The following YTHDC2 variants were observed in gnomAD, a reference collection of about 807,000 sequenced individuals.
YTHDC2 encodes the protein YTH N6-methyladenosine RNA binding protein C2, also known as 3'-5' RNA helicase YTHDC2.
In YTHDC2, 45 loss-of-function variants were observed where a neutral mutation model predicts 174.9. The ratio of observed to expected loss-of-function variants is 0.26; its 90% CI spans 0.20 to 0.33. The LOEUF is 0.33. Among genes scored for constraint, YTHDC2 ranks in the 10% least tolerant of loss-of-function variants. YTHDC2 has a pLI of 1.00. For synonymous variants in YTHDC2, 657 were observed against 574.5 expected, an observed-to-expected ratio of 1.14 and a Z score of -2.05; for missense variants, 1,650 against 1,723.7, an observed-to-expected ratio of 0.96 and a Z score of 0.76.
At position 113,581,869 on chromosome 5, in the gene YTHDC2, T is replaced by A. The variant is rs1401786583; in HGVS notation, c.3647+160T>A. 7.2e-6 allele frequency: 4 copies of A among 553,876 alleles called. No homozygotes were observed. The East Asian group carries it at 1.0e-4, about 14-fold the overall frequency. 34.3% of individuals were successfully genotyped at this position (553,876 alleles called of 1,614,324 possible). On this transcript the variant is annotated intron_variant, in intron 25 of 29. Coordinates refer to ENST00000161863, the MANE Select transcript of YTHDC2 (RefSeq NM_022828.5). ...AAAGTGGAAAGAGTTTTCTACTTGT[T>A]CAACTTAATTCTTCTAAGTATTAAG...
rs761778172 is a variant in YTHDC2, at chr5:113,579,689, G to T, written c.3348G>T (p.Glu1116Asp). 6.2e-7 allele frequency: 1 copy of T among 1,603,876 alleles called. No individual in the cohort carries two copies. Among genetic ancestry groups the T allele is most frequent in the East Asian group, 2.3e-5 (1 of 44,340 alleles). ...ATGAGTGGCTCCATTTCACACTGGA[G>T]CCAGAGGTAAGTTGCTTTCAAGTAG... Reference protein sequence around the residue: ...KLDEWLHFTLEPEAASLLLQL... With the variant: ...KLDEWLHFTLDPEAASLLLQL... The change falls in exon 24 of 30, where the codon GAG becomes GAT. Residue 1116 changes from glutamate to aspartate, a missense_variant. By Grantham distance (45) the Glu-to-Asp change is conservative. This residue lies in a region of YTHDC2 where 913 missense variants were observed against 940.4 expected (regional missense o/e 0.97). Coordinates refer to ENST00000161863, the MANE Select transcript of YTHDC2 (RefSeq NM_022828.5).
chr5:113,532,476 G>T (rs1580504187), intron 4 of YTHDC2, among the ~76,000 whole-genome samples: 1 of 152,064 alleles, frequency 6.6e-6, no homozygotes, highest in East Asian at 1.9e-4. Context: ...AAAAATCCCA[G>T]TGGAATTTTA....
intron 24 of YTHDC2, among the ~76,000 whole-genome samples, chr5:113,580,245 T>C (rs1179337112): frequency 6.6e-6 from 1 of 152,110 alleles, no homozygotes; most frequent in African/African-American, 2.4e-5. Flanking sequence ...ACATGAAGTT[T>C]TGGAGGGGAC....
Position 113,525,035 on chromosome 5 carries a change from T to A in YTHDC2, c.333T>A (p.Ala111=). The A allele has an allele frequency of 6.2e-7, 1 of 1,611,576 alleles. No homozygotes were observed. Among genetic ancestry groups the A allele is most frequent in the Non-Finnish European group, 8.5e-7 (1 of 1,178,974 alleles). The part of the protein sequence containing the change: ...TVKKKDGSET[A]HAMMTCNLTH... ...AGAAGAAAGATGGATCAGAAACAGC[T>A]CATGCAATGATGACCTGTAATTTGA... Residue 111 remains alanine, a synonymous_variant, in exon 3 of 30, where the codon GCT becomes GCA. Coordinates refer to ENST00000161863, the MANE Select transcript of YTHDC2 (RefSeq NM_022828.5).
At chr5:113,563,518 A>G in intron 19 of YTHDC2, 26 bp downstream of exon 19, 2 of 1,555,578 alleles carry the variant, frequency 1.3e-6, no homozygotes, top group Non-Finnish European at 1.7e-6. Flanking sequence ...GTTTTATTTT[A>G]CATGACATTT....
At chr5:113,562,277 G>GTGT (rs1777043538) in intron 18 of YTHDC2, among the ~76,000 whole-genome samples, 1 of 117,350 alleles carries the variant, frequency 8.5e-6, no homozygotes. Flanking sequence ...GGTGTGTGTG[G>GTGT]GTGTGTGTGT....
rs1377955806 is a variant in YTHDC2, at chr5:113,548,606, A to G, written c.1561A>G (p.Ser521Gly). 2 of 1,613,602 alleles carry G rather than the reference A, an allele frequency of 1.2e-6. No homozygotes were observed. The highest frequency in any genetic ancestry group is 8.5e-7 in the Non-Finnish European group (1 of 1,179,708). The change falls in exon 11 of 30, where the codon AGT (serine) becomes GGT (glycine). Residue 521 changes from serine (S) to glycine (G), a missense_variant. By Grantham distance (56) the Ser-to-Gly change is moderately conservative. Coordinates refer to ENST00000161863, the MANE Select transcript of YTHDC2 (RefSeq NM_022828.5). ...LMVAAGRGFA[S>G]QVEQLISMGA... ...GGTTGCTGCAGGACGTGGCTTTGCA[A>G]GTCAAGTAGAACAGTTAATCAGTAT... is the stretch of plus-strand genomic sequence containing the variant.
At chr5:113,581,257 TATTTC>T (rs1459149205) in intron 24 of YTHDC2, 155 bp from the exon 25 acceptor site, 7 of 583,300 alleles carry the variant, frequency 1.2e-5, no homozygotes, top group Non-Finnish European at 1.9e-5. Flanking sequence ...AAATAAATTT[TATTTC>T]ATTCATGCAT....
chr5:113,576,800 G>A (rs975595350), intron 23 of YTHDC2, among the ~76,000 whole-genome samples: 6 of 150,228 alleles, frequency 4.0e-5, no homozygotes, highest in Non-Finnish European at 8.9e-5. Context: ...TCTTTTTTCT[G>A]TCATGTTTAA....
chr5:113,517,336 C>T (rs932642731), intron 2 of YTHDC2, among the ~76,000 whole-genome samples: 4 of 152,188 alleles, frequency 2.6e-5, no homozygotes, highest in Non-Finnish European at 5.9e-5. Context: ...TGCTTGGAAA[C>T]ACATGTTATA....
At chr5:113,533,508 C>T (rs1170640099) in intron 5 of YTHDC2, among the ~76,000 whole-genome samples, 3 of 150,734 alleles carry the variant, frequency 2.0e-5, no homozygotes, top group Non-Finnish European at 4.4e-5. Context: ...GAGATCGCAC[C>T]ATGGCACTCC....
intron 9 of YTHDC2, among the ~76,000 whole-genome samples, 179 bp from the exon 10 acceptor site, chr5:113,542,189 C>T (rs1009033555): frequency 1.3e-5 from 2 of 152,112 alleles, no homozygotes; most frequent in African/African-American, 4.8e-5. Flanking sequence ...AGTATAAGGA[C>T]TAGATACTGT....
Position 113,513,925 on chromosome 5 carries a change from G to A in YTHDC2, c.30G>A (p.Arg10=), listed in dbSNP as rs762707547. The A allele has an allele frequency of 5.6e-6, 9 of 1,605,590 alleles. No homozygotes were observed. The highest frequency in any genetic ancestry group is 7.6e-6 in the Non-Finnish European group (9 of 1,176,742). The part of the protein sequence containing the change: MSRPSSVSP[R]QPAPGGGGGG... Reference sequence around the variant, plus strand: ...CCAGGCCGAGCAGCGTCTCCCCGCGGCAGCCGGCTCCTGGCGGTGGCGGAG... The same window carrying A: ...CCAGGCCGAGCAGCGTCTCCCCGCGACAGCCGGCTCCTGGCGGTGGCGGAG... The change falls in exon 1 of 30, where the codon CGG becomes CGA. Residue 10 remains arginine, a synonymous_variant. Coordinates refer to ENST00000161863, the MANE Select transcript of YTHDC2 (RefSeq NM_022828.5).
At chr5:113,534,257 C>A in intron 5 of YTHDC2, 48 bp from the exon 6 acceptor site, 1 of 1,404,366 alleles carries the variant, frequency 7.1e-7, no homozygotes, top group Non-Finnish European at 1.0e-6. Context: ...ATTTTAGTTA[C>A]ATGAAAAACT....
At chr5:113,573,784 T>C (rs569464921) in intron 23 of YTHDC2, among the ~76,000 whole-genome samples, 6 of 152,324 alleles carry the variant, frequency 3.9e-5, no homozygotes, top group African/African-American at 1.4e-4. Flanking sequence ...GTGATTGCAT[T>C]GTGAAGTTCT....
chr5:113,535,753 G>A lies in YTHDC2; in HGVS notation c.1057G>A (p.Val353Ile), dbSNP rs1297082435. ...KLILSSAALD[V>I]NLFIRYFGSC... ...AATTCTTTCTAGTGCTGCCTTGGAT[G>A]TAAATCTCTTTATAAGATATTTTGG... Residue 353 changes from valine to isoleucine, a missense_variant, in exon 7 of 30, where the codon GTA (valine) becomes ATA (isoleucine). Physicochemically the swap from Val to Ile is conservative, Grantham distance 29. Transcript: ENST00000161863. 2.5e-6 allele frequency: 4 copies of A among 1,613,104 alleles called. No homozygotes were observed. Among genetic ancestry groups the A allele is most frequent in the Middle Eastern group, 1.7e-4 (1 of 6,052 alleles).
In YTHDC2 at chr5:113,567,808, G is replaced by C. The variant is rs748659908; in HGVS notation, c.3203G>C (p.Arg1068Thr). 3 of 1,591,882 alleles carry C rather than the reference G, an allele frequency of 1.9e-6. No individual in the cohort carries two copies. ...VTILVFCGPA[R>T]LASNALQEPS... ...ATATTGGTATTCTGTGGACCAGCTA[G>C]ATTGGCAAGTAATGCTCTTCAGGAA... Residue 1068 changes from arginine (R) to threonine (T), a missense_variant, in exon 23 of 30, where the codon AGA becomes ACA. Physicochemically the swap from Arg to Thr is moderately conservative, Grantham distance 71. This residue lies in a region of YTHDC2 where 913 missense variants were observed against 940.4 expected (regional missense o/e 0.97). Transcript: ENST00000161863.
chr5:113,584,328 C>T lies in YTHDC2; in HGVS notation c.3674C>T (p.Ala1225Val), dbSNP rs1402625931. 3.1e-6 allele frequency: 5 copies of T among 1,613,016 alleles called. No individual in the cohort carries two copies. Among genetic ancestry groups the T allele is most frequent in the Non-Finnish European group, 4.2e-6 (5 of 1,179,514 alleles). The change falls in exon 26 of 30, where the codon GCA (alanine) becomes GTA (valine). Residue 1225 changes from alanine to valine, a missense_variant. Transcript: ENST00000161863. ...GTACTGATGAAATCTCCATCTCCAG[C>T]ATTACACCCACCTCAGAAGTACAAA... ...ERVLMKSPSP[A>V]LHPPQKYKDR... is the part of the protein sequence containing the mutation.
chr5:113,538,684 G>A (rs747452658), intron 7 of YTHDC2, among the ~76,000 whole-genome samples: 15 of 151,914 alleles, frequency 9.9e-5, no homozygotes, highest in Non-Finnish European at 2.1e-4. Flanking sequence ...TCTTGTACTT[G>A]TATCTCAGGA....
Sources: allele counts gnomAD v4.1 joint callset (sites outside exome capture counted in the v4.1 genomes callset), GRCh38; gene constraint gnomAD v4.1.1; regional missense constraint gnomAD v4.1.1; transcripts MANE v1.5; gene names NCBI Gene and HGNC (gene_info 2026-07-23, HGNC 2026-07-21).